OTUD4: variants seen among roughly 807,000 people sequenced by gnomAD.
The protein encoded by OTUD4 is OTU domain-containing protein 4.
Under a neutral mutation model 130.4 loss-of-function variants are expected in OTUD4, and 24 were observed. That is an observed-to-expected ratio of 0.18 (90% CI 0.13 to 0.26). The LOEUF is 0.26. Ranked by LOEUF, OTUD4 falls within the 10% of genes least tolerant of loss-of-function variation. The pLI, the probability that OTUD4 is intolerant of heterozygous loss-of-function variation, is 1.00. For missense variants in OTUD4, 1,031 were observed against 1,329.4 expected (o/e 0.78, Z 3.49); for synonymous variants, 420 against 472.5 (o/e 0.89, Z 1.44).
At chr4:145,141,775 C>T (rs1750574649) in intron 18 of OTUD4, 136 bp from the exon 19 acceptor site, 6 of 667,268 alleles carry the variant, frequency 9.0e-6, no homozygotes, top group Non-Finnish European at 2.4e-6. Flanking sequence ...CAACCAAGAG[C>T]CCTCCTGGAC....
rs781662705 is a variant in OTUD4, at chr4:145,134,593, A to G, written c.*2837T>C. Reference sequence around the variant, plus strand: ...TCTGCATTAAATAAGATATATCAGCATTGTGGTCTGGGAAAACCTATGCTT... The same window carrying G: ...TCTGCATTAAATAAGATATATCAGCGTTGTGGTCTGGGAAAACCTATGCTT... On this transcript the variant is annotated 3_prime_UTR_variant, in exon 21 of 21. Coordinates refer to ENST00000447906, the MANE Select transcript of OTUD4 (RefSeq NM_001366057.1). The G allele has an allele frequency of 3.3e-5, 13 of 397,660 alleles. No individual in the cohort carries two copies. The highest frequency in any genetic ancestry group is 5.8e-5 in the Non-Finnish European group (13 of 225,754). The allele number at this position is 397,660 out of a possible 1,614,324, so 24.6% of individuals were successfully genotyped here.
intron 7 of OTUD4, among the ~76,000 whole-genome samples, chr4:145,157,260 G>C (rs2126774014): frequency 6.6e-6 from 1 of 152,294 alleles, no homozygotes; most frequent in African/African-American, 2.4e-5. Context: ...GTTTAGCCTT[G>C]TGTCCCCACC....
Position 145,136,102 on chromosome 4 carries a change from TAAA to T in OTUD4, c.*1325_*1327del, listed in dbSNP as rs1235741172. ...TGATCAGAAGATAATCTCAACATAATAAAAGAGTGGATTTTCACATTGGTATGC... is the reference window on the plus strand; with the variant it reads ...TGATCAGAAGATAATCTCAACATAATAGAGTGGATTTTCACATTGGTATGC... On this transcript the variant is annotated 3_prime_UTR_variant, in exon 21 of 21. Coordinates refer to ENST00000447906, the MANE Select transcript of OTUD4 (RefSeq NM_001366057.1). 2 of 152,542 alleles carry T rather than the reference TAAA, an allele frequency of 1.3e-5. No homozygotes were observed. Among genetic ancestry groups the T allele is most frequent in the Non-Finnish European group, 1.5e-5 (1 of 68,012 alleles). The allele number at this position is 152,542 out of a possible 1,614,324, so 9.4% of individuals were successfully genotyped here.
rs1158318232 is a variant in OTUD4 at position 145,155,943 on chromosome 4, C to T, written c.683G>A (p.Gly228Asp). 2 of 1,608,528 alleles carry T rather than the reference C, an allele frequency of 1.2e-6. No individual in the cohort carries two copies. Among genetic ancestry groups the T allele is most frequent in the Non-Finnish European group, 8.5e-7 (1 of 1,177,702 alleles). ...CACTTTTAAAAAAAATACCTCATTG[C>T]CTGACAAAGGTTTAAATCCATTCAC... is the stretch of plus-strand genomic sequence containing the variant. ...ADVNGFKPLS[G>D]NEQLKNNGNS... Residue 228 changes from glycine (G) to aspartate (D), a missense_variant, in exon 8 of 21, where the codon GGC becomes GAC. Physicochemically the swap from Gly to Asp is moderately conservative, Grantham distance 94. This residue lies in a region of OTUD4 where 900 missense variants were observed against 1,095.9 expected (regional missense o/e 0.82). Transcript: ENST00000447906.
At chr4:145,139,815 G>A (rs1750470958) in intron 20 of OTUD4, 136 bp downstream of exon 20, 6 of 408,784 alleles carry the variant, frequency 1.5e-5, no homozygotes, top group Non-Finnish European at 2.7e-5. Flanking sequence ...ATATAGTACT[G>A]AAAATGCTGG....
chr4:145,165,103 T>C, intron 4 of OTUD4, 48 bp downstream of exon 4: 5 of 1,049,916 alleles, frequency 4.8e-6, no homozygotes, highest in Non-Finnish European at 7.1e-6. Flanking sequence ...TGGAATATAA[T>C]TTCCCACTGG....
At chr4:145,152,781 A>G (rs548517490) in intron 10 of OTUD4, 146 bp from the exon 11 acceptor site, 107 of 579,748 alleles carry the variant, frequency 1.8e-4, no homozygotes, top group African/African-American at 1.8e-3. Flanking sequence ...CAGAGGCACA[A>G]TCTTGGCTCA....
Position 145,144,307 on chromosome 4 carries a change from T to C in OTUD4, c.1546+4A>G. ...ATCTGCTTTCTAATGATGAGATAAC[T>C]TACCTTTGTCTTTTCGTTCTTCTGT... On this transcript the variant is annotated splice_donor_region_variant and intron_variant, in intron 15 of 20. Coordinates refer to ENST00000447906, the MANE Select transcript of OTUD4 (RefSeq NM_001366057.1). 6.2e-7 allele frequency: 1 copy of C among 1,609,428 alleles called. No homozygotes were observed. Among genetic ancestry groups the C allele is most frequent in the Non-Finnish European group, 8.5e-7 (1 of 1,178,626 alleles).
intron 6 of OTUD4, among the ~76,000 whole-genome samples, chr4:145,160,835 G>A (rs1751525468): frequency 2.6e-5 from 4 of 151,658 alleles, no homozygotes. Context: ...AGGCCGGACA[G>A]GATAGCGCTC....
At chr4:145,150,445 TA>T in intron 13 of OTUD4, 67 bp downstream of exon 13, 3 of 1,060,292 alleles carry the variant, frequency 2.8e-6, no homozygotes, top group South Asian at 1.5e-5. Context: ...CAAATGCACA[TA>T]ATGTGGCAAA....
At chr4:145,171,647 T>G in intron 3 of OTUD4, 23 bp downstream of exon 3, 1 of 1,042,198 alleles carries the variant, frequency 9.6e-7, no homozygotes. Context: ...AAAATAGAAA[T>G]ATACTAGAAG....
intron 10 of OTUD4, among the ~76,000 whole-genome samples, chr4:145,153,177 T>C (rs1751145009): frequency 6.6e-6 from 1 of 152,228 alleles, no homozygotes; most frequent in Non-Finnish European, 1.5e-5. Flanking sequence ...AACCTTTTCT[T>C]CTTTGTCCTT....
In OTUD4 at chr4:145,180,447, A is replaced by G. The variant is rs1428376961; in HGVS notation, c.-474T>C. ...CCCACGCCGGGAGCCGAGGAAACCAAAAAGAAAGACGCGGCCTTTCGTTTC... is the reference window on the plus strand; with the variant it reads ...CCCACGCCGGGAGCCGAGGAAACCAGAAAGAAAGACGCGGCCTTTCGTTTC... On this transcript the variant is annotated 5_prime_UTR_variant, in exon 1 of 21. Transcript: ENST00000447906. 2.0e-5 allele frequency among the ~76,000 whole-genome samples: 3 copies of G among 152,228 alleles called. No individual in the cohort carries two copies. Among genetic ancestry groups the G allele is most frequent in the African/African-American group, 7.2e-5 (3 of 41,474 alleles).
intron 13 of OTUD4, among the ~76,000 whole-genome samples, chr4:145,147,321 A>G (rs1750872441): frequency 6.6e-6 from 1 of 152,162 alleles, no homozygotes; most frequent in African/African-American, 2.4e-5. Flanking sequence ...ATCACACTCT[A>G]ATTACAATAG....
At chr4:145,140,631 GAC>G (rs1750513466) in intron 19 of OTUD4, among the ~76,000 whole-genome samples, 1 of 152,104 alleles carries the variant, frequency 6.6e-6, no homozygotes, top group Non-Finnish European at 1.5e-5. Flanking sequence ...ACAAAAATAA[GAC>G]ATACTAAATA....
At chr4:145,178,497 T>C (rs1752533222) in intron 1 of OTUD4, 1 of 152,244 alleles carries the variant, frequency 6.6e-6, no homozygotes, top group Non-Finnish European at 1.5e-5. Context: ...AATTCACAAA[T>C]GGGGCAGACT....
intron 1 of OTUD4, 134 bp from the exon 2 acceptor site, chr4:145,174,878 C>A (rs189739742): frequency 2.9e-4 from 175 of 607,330 alleles, no homozygotes; most frequent in African/African-American, 2.9e-3. Flanking sequence ...TCTATAATTT[C>A]GATATCTTTA....
Position 145,144,306 on chromosome 4 carries a change from C to G in OTUD4, c.1546+5G>C, listed in dbSNP as rs749213111. On this transcript the variant is annotated splice_donor_5th_base_variant and intron_variant, in intron 15 of 20. Coordinates refer to ENST00000447906, the MANE Select transcript of OTUD4 (RefSeq NM_001366057.1). Reference sequence around the variant, plus strand: ...CATCTGCTTTCTAATGATGAGATAACTTACCTTTGTCTTTTCGTTCTTCTG... The same window carrying G: ...CATCTGCTTTCTAATGATGAGATAAGTTACCTTTGTCTTTTCGTTCTTCTG... 2.2e-5 allele frequency: 36 copies of G among 1,609,108 alleles called. No homozygotes were observed. The highest frequency in any genetic ancestry group is 3.0e-5 in the Non-Finnish European group (35 of 1,178,610).
intron 2 of OTUD4, 108 bp downstream of exon 2, chr4:145,174,553 C>G (rs1360324340): frequency 1.1e-5 from 7 of 630,206 alleles, no homozygotes; most frequent in Non-Finnish European, 1.2e-5. Context: ...GTGTTATTTT[C>G]ATAACCCGCA....
Sources: gnomAD v4.1 joint callset for allele counts (sites outside exome capture counted in the v4.1 genomes callset) on GRCh38, gnomAD v4.1.1 for gene constraint, gnomAD v4.1.1 regional missense constraint, MANE v1.5 for transcripts, NCBI Gene and HGNC (gene_info 2026-07-23, HGNC 2026-07-21) for gene names.